Variants in ABLIM1 observed in about 807,000 individuals in gnomAD.
ABLIM1 encodes the protein actin-binding LIM protein 1.
In ABLIM1, 40 loss-of-function variants were observed where a neutral mutation model predicts 107.0. That is an observed-to-expected ratio of 0.37 (90% confidence interval 0.29 to 0.49). The LOEUF (loss-of-function observed/expected upper bound fraction) is 0.49, where lower values mean the gene tolerates loss of function less well. ABLIM1 is among the 20% of genes least tolerant of loss of function. The pLI, the probability that ABLIM1 is intolerant of heterozygous loss-of-function variation, is 0.97. For synonymous variants in ABLIM1, 357 were observed against 357.3 expected (o/e 1.00, Z 0.01); for missense variants, 857 against 1,008.5 (o/e 0.85, Z 2.04).
chr10:114,780,745 T>C, the ABLIM1 span, among the ~76,000 whole-genome samples: 2 of 152,324 alleles, frequency 1.3e-5, no homozygotes, highest in Middle Eastern at 3.4e-3. Context: ...AAAGCTTTCT[T>C]ACTTCTCTTA....
chr10:114,583,402 G>T (rs1591385286), intron 2 of ABLIM1, among the ~76,000 whole-genome samples: 1 of 58,948 alleles, frequency 1.7e-5, no homozygotes, highest in Non-Finnish European at 3.3e-5. Flanking sequence ...TGGAGAAAAG[G>T]GAACACACAC....
At chr10:114,725,423 A>C (rs1304208583) in intron 1 of ABLIM1, among the ~76,000 whole-genome samples, 1 of 152,202 alleles carries the variant, frequency 6.6e-6, no homozygotes, top group Non-Finnish European at 1.5e-5. Flanking sequence ...ATATTTATGA[A>C]CAAGGAGCCA....
chr10:114,456,924 GT>G (rs60405111), intron 12 of ABLIM1, among the ~76,000 whole-genome samples: 15,090 of 108,974 alleles, frequency 0.14, 741 homozygotes, highest in East Asian at 0.2. Context: ...CTCTCTAGTT[GT>G]TTTTTTTTTA....
At chr10:114,781,621 T>C in the ABLIM1 span, among the ~76,000 whole-genome samples, 65 of 148,980 alleles carry the variant, frequency 4.4e-4, no homozygotes, top group Admixed American at 1.8e-3. Flanking sequence ...TGTGTGTGTA[T>C]ATACATATAT....
intron 6 of ABLIM1, among the ~76,000 whole-genome samples, chr10:114,515,822 G>A (rs2062723631): frequency 6.6e-6 from 1 of 152,206 alleles, no homozygotes; most frequent in South Asian, 2.1e-4. Context: ...AGAGGTTGGT[G>A]TTTTGTTGCC....
upstream of ABLIM1, among the ~76,000 whole-genome samples, chr10:114,689,028 T>G (rs1181312897): frequency 6.6e-6 from 1 of 152,200 alleles, no homozygotes; most frequent in African/African-American, 2.4e-5. Context: ...TTTTCCTGAA[T>G]TAATCTCTTT....
In ABLIM1 at chr10:114,500,695, A is replaced by G. The variant is rs111545331; in HGVS notation, c.895-8817T>C. ...CCTTGTGTCGAAAGAAAAAAAAAAAAAAAAAAGAAAGAGAAGGGAAGGGAA... is the reference window on the plus strand; with the variant it reads ...CCTTGTGTCGAAAGAAAAAAAAAAAGAAAAAAGAAAGAGAAGGGAAGGGAA... On this transcript the variant is annotated intron_variant, in intron 6 of 22. Coordinates refer to ENST00000533213, the MANE Select transcript of ABLIM1 (RefSeq NM_002313.7). Among the ~76,000 whole-genome samples the G allele has an allele frequency of 9.6e-3, 1,412 of 146,812 alleles. 39 individuals carry two copies. Among genetic ancestry groups the G allele is most frequent in the African/African-American group, 0.034 (1,367 of 39,818 alleles).
chr10:114,522,055 G>A (rs1490885673), intron 6 of ABLIM1, among the ~76,000 whole-genome samples: 1 of 152,178 alleles, frequency 6.6e-6, no homozygotes, highest in Non-Finnish European at 1.5e-5. Context: ...AGGGAGCAGT[G>A]AAAGCCCAGA....
At position 114,601,944 on chromosome 10, in the gene ABLIM1, G is replaced by T; in HGVS notation, c.262C>A (p.Pro88Thr). 1 of 1,614,134 alleles carries T rather than the reference G, an allele frequency of 6.2e-7. No homozygotes were observed. Among genetic ancestry groups the T allele is most frequent in the Non-Finnish European group, 8.5e-7 (1 of 1,180,012 alleles). ...ACAGGCTTCTCTGATGGGTGGTGAGGGTCCTGAGGGTGGGCCACTGAAAGA... is the reference window on the plus strand; with the variant it reads ...ACAGGCTTCTCTGATGGGTGGTGAGTGTCCTGAGGGTGGGCCACTGAAAGA... ...VDPFVAHPQDPHHPSEKPVIH... is the reference protein window; with the variant it reads ...VDPFVAHPQDTHHPSEKPVIH... Residue 88 changes from proline to threonine, a missense_variant, in exon 2 of 23, where the codon CCT becomes ACT. This residue lies in a region of ABLIM1 where 176 missense variants were observed against 173.5 expected (regional missense o/e 1.01). Coordinates refer to ENST00000533213, the MANE Select transcript of ABLIM1 (RefSeq NM_002313.7).
intron 2 of ABLIM1, among the ~76,000 whole-genome samples, chr10:114,585,214 C>T (rs550877021): frequency 6.6e-6 from 1 of 152,268 alleles, no homozygotes; most frequent in African/African-American, 2.4e-5. Context: ...ATTTTGGACT[C>T]AAAGGTAAGT....
intron 1 of ABLIM1, among the ~76,000 whole-genome samples, chr10:114,694,892 A>C (rs1203006914): frequency 6.6e-6 from 1 of 152,186 alleles, no homozygotes; most frequent in East Asian, 1.9e-4. Context: ...CGCCGCTCAA[A>C]ACCCGGACAT....
At chr10:114,497,742 A>G (rs891566534) in intron 6 of ABLIM1, among the ~76,000 whole-genome samples, 12 of 151,888 alleles carry the variant, frequency 7.9e-5, no homozygotes, top group African/African-American at 2.9e-4. Context: ...CATATTCAAA[A>G]TGCTTTTATA....
intron 1 of ABLIM1, among the ~76,000 whole-genome samples, chr10:114,710,060 A>G (rs1208333944): frequency 6.6e-6 from 1 of 152,196 alleles, no homozygotes; most frequent in Non-Finnish European, 1.5e-5. Flanking sequence ...TCATGCAACT[A>G]AAATCTCCTA....
chr10:114,546,803 C>A (rs528150133), intron 5 of ABLIM1, among the ~76,000 whole-genome samples: 2 of 152,074 alleles, frequency 1.3e-5, no homozygotes, highest in Non-Finnish European at 1.5e-5. Flanking sequence ...TTTTTTGAGA[C>A]AAGGTCTTAC....
At chr10:114,488,105 C>T (rs1166517082) in intron 7 of ABLIM1, 89 bp from the exon 8 acceptor site, 1 of 1,324,688 alleles carries the variant, frequency 7.5e-7, no homozygotes, top group South Asian at 1.2e-5. Context: ...GGCTCCTATC[C>T]CTCTTTCCCC....
chr10:114,781,680 A>AATAGATCT, the ABLIM1 span, among the ~76,000 whole-genome samples: 2 of 148,030 alleles, frequency 1.4e-5, no homozygotes, highest in Admixed American at 6.8e-5. Context: ...ATATATATAT[A>AATAGATCT]TATATATAAT....
chr10:114,718,578 T>C (rs1028514368), intron 1 of ABLIM1, among the ~76,000 whole-genome samples: 10 of 152,232 alleles, frequency 6.6e-5, no homozygotes, highest in Non-Finnish European at 1.3e-4. Context: ...GTCTGCCAAG[T>C]GTCCCTGGGA....
chr10:114,782,223 C>T, the ABLIM1 span, among the ~76,000 whole-genome samples: 1 of 152,034 alleles, frequency 6.6e-6, no homozygotes, highest in Non-Finnish European at 1.5e-5. Context: ...TGCACCAGGC[C>T]TCATGCTAAG....
intron 8 of ABLIM1, chr10:114,485,439 AATTATTTTAAAAAAT>A (rs1157171696): frequency 3.5e-6 from 5 of 1,423,238 alleles, no homozygotes; most frequent in Non-Finnish European, 4.8e-6. Flanking sequence ...AAATCAGAAG[AATTATTTTAAAAAAT>A]AAAACAAAAC....
Sources: allele counts gnomAD v4.1 joint callset (sites outside exome capture counted in the v4.1 genomes callset), GRCh38; gene constraint gnomAD v4.1.1; regional missense constraint gnomAD v4.1.1; transcripts MANE v1.5; gene names NCBI Gene and HGNC (gene_info 2026-07-23, HGNC 2026-07-21).